The following ST7L variants were observed in gnomAD, a reference collection of about 807,000 sequenced individuals.
ST7L encodes suppressor of tumorigenicity 7 protein-like.
ST7L carries 57 observed loss-of-function variants against 72.5 expected under a neutral mutation model. The observed-to-expected ratio is 0.79, with a 90% CI of 0.64 to 0.98. ST7L has a LOEUF of 0.98. Among genes scored for constraint, ST7L ranks in the 50% least tolerant of loss-of-function variants. ST7L has a pLI of 0.00. For missense variants in ST7L, 576 were observed against 672.2 expected (o/e 0.86, Z 1.58); for synonymous variants, 221 against 240.9 (o/e 0.92, Z 0.77).
chr1:112,582,829 A>G (rs576526646), intron 7 of ST7L, among the ~76,000 whole-genome samples: 1 of 152,236 alleles, frequency 6.6e-6, no homozygotes, highest in Admixed American at 6.5e-5. Flanking sequence ...TATAACATTA[A>G]CCTAGTATTT....
intron 3 of ST7L, 177 bp downstream of exon 3, chr1:112,610,664 T>G: frequency 2.8e-6 from 2 of 722,800 alleles, no homozygotes; most frequent in Non-Finnish European, 4.4e-6. Context: ...GGCACTGCCC[T>G]CATGACCTGA....
At chr1:112,617,717 TCACACACACACACA>T (rs56216561) in intron 1 of ST7L, among the ~76,000 whole-genome samples, 10 of 126,432 alleles carry the variant, frequency 7.9e-5, no homozygotes, top group African/African-American at 2.5e-4. Flanking sequence ...TTTCTCTCTC[TCACACACACACACA>T]CACACACACA....
chr1:112,591,707 C>A, intron 5 of ST7L, 104 bp from the exon 6 acceptor site: 1 of 689,456 alleles, frequency 1.5e-6, no homozygotes, highest in Non-Finnish European at 2.3e-6. Context: ...ATAATATATT[C>A]TTAAACATAC....
intron 3 of ST7L, among the ~76,000 whole-genome samples, chr1:112,604,699 G>T (rs1667927641): frequency 2.7e-5 from 4 of 150,114 alleles, no homozygotes; most frequent in Admixed American, 1.3e-4. Flanking sequence ...TACTCAGGAG[G>T]CTGAGGCAGG....
At chr1:112,572,402 T>C (rs1440327930) in intron 11 of ST7L, among the ~76,000 whole-genome samples, 2 of 152,224 alleles carry the variant, frequency 1.3e-5, no homozygotes, top group African/African-American at 4.8e-5. Flanking sequence ...AAGTCTTAGT[T>C]GGCATCTTCT....
rs1252356547 is a variant in ST7L, at chr1:112,619,069, C to T, written c.45G>A (p.Ala15=). Residue 15 remains alanine, a synonymous_variant, in exon 1 of 15, where the codon GCG becomes GCA. Coordinates refer to ENST00000358039, the MANE Select transcript of ST7L (RefSeq NM_017744.5). The stretch of plus-strand genomic sequence containing the variant: ...TTAGGCCAGGGACAGATGCAGGAGA[C>T]GCTCCAACAGCTGCGGCTTCACCCA... ...GGVGEAAAVG[A]SPASVPGLNP... is the part of the protein sequence containing the mutation. 1 of 1,613,824 alleles carries T rather than the reference C, an allele frequency of 6.2e-7. No individual in the cohort carries two copies. Among genetic ancestry groups the T allele is most frequent in the Admixed American group, 1.7e-5 (1 of 60,020 alleles).
At chr1:112,557,428 T>C (rs1025811343) in intron 11 of ST7L, among the ~76,000 whole-genome samples, 1 of 152,270 alleles carries the variant, frequency 6.6e-6, no homozygotes. Context: ...GCCTCATTTC[T>C]TCTTATGGCT....
chr1:112,615,358 T>C (rs1669710907), intron 2 of ST7L, among the ~76,000 whole-genome samples: 1 of 152,240 alleles, frequency 6.6e-6, no homozygotes, highest in East Asian at 1.9e-4. Flanking sequence ...GAACCAGCTA[T>C]CATGTTATAA....
intron 13 of ST7L, among the ~76,000 whole-genome samples, chr1:112,548,536 C>G (rs560347008): frequency 2.0e-5 from 3 of 152,182 alleles, no homozygotes; most frequent in Non-Finnish European, 4.4e-5. Context: ...GCCATAATCT[C>G]TCCTAAATTT....
chr1:112,541,243 C>T (rs1205134766), intron 14 of ST7L, among the ~76,000 whole-genome samples: 7 of 151,570 alleles, frequency 4.6e-5, no homozygotes, highest in African/African-American at 1.5e-4. Flanking sequence ...GAGATCGTAC[C>T]ACTGCACTCC....
chr1:112,610,045 A>G lies in ST7L; in HGVS notation c.451+796T>C, dbSNP rs182588703. 5.5e-3 allele frequency among the ~76,000 whole-genome samples: 831 copies of G among 152,122 alleles called. 6 individuals carry two copies. Among genetic ancestry groups the G allele is most frequent in the South Asian group, 0.02 (95 of 4,812 alleles). ...ATTCCCTGATTTGCTGGGCGTATAT[A>G]TATATATACACTGAGAAAATGATGA... is the stretch of plus-strand genomic sequence containing the variant. On this transcript the variant is annotated intron_variant, in intron 3 of 14. Transcript: ENST00000358039.
intron 12 of ST7L, among the ~76,000 whole-genome samples, chr1:112,552,778 A>T (rs1658444980): frequency 6.6e-6 from 1 of 152,144 alleles, no homozygotes; most frequent in South Asian, 2.1e-4. Context: ...AACACTAATA[A>T]ATCATTGATC....
intron 7 of ST7L, among the ~76,000 whole-genome samples, chr1:112,583,634 C>CT (rs1664448569): frequency 6.6e-6 from 1 of 152,214 alleles, no homozygotes; most frequent in African/African-American, 2.4e-5. Context: ...ATAACAGCTG[C>CT]TTATCATCAC....
In ST7L at chr1:112,595,995, G is replaced by A. The variant is rs537890129; in HGVS notation, c.622+1976C>T. Among the ~76,000 whole-genome samples the A allele has an allele frequency of 5.3e-5, 8 of 152,190 alleles. No homozygotes were observed. The East Asian group carries it at 1.5e-3, about 29-fold the overall frequency. On this transcript the variant is annotated intron_variant, in intron 5 of 14. Coordinates refer to ENST00000358039, the MANE Select transcript of ST7L (RefSeq NM_017744.5). ...ATGATTGCTATTTTAAAAGCCTGCT[G>A]ACGTTTGCAATTCAGTGTCACTCTG... is the stretch of plus-strand genomic sequence containing the variant.
intron 14 of ST7L, chr1:112,539,742 G>A (rs1655806745): frequency 1.0e-6 from 1 of 984,942 alleles, no homozygotes; most frequent in African/African-American, 1.8e-5. Flanking sequence ...CTCTTAAATG[G>A]AACCTGCCTT....
intron 11 of ST7L, among the ~76,000 whole-genome samples, chr1:112,572,945 T>C (rs960489205): frequency 2.0e-5 from 3 of 151,726 alleles, no homozygotes; most frequent in East Asian, 1.9e-4. Flanking sequence ...AGAAAATAAA[T>C]AGTAGAAAAA....
At chr1:112,570,022 A>G (rs886332324) in intron 11 of ST7L, among the ~76,000 whole-genome samples, 1 of 151,840 alleles carries the variant, frequency 6.6e-6, no homozygotes, top group African/African-American at 2.4e-5. Context: ...AAAGTATGAT[A>G]CCAGAATGAA....
At chr1:112,571,731 A>G (rs910163710) in intron 11 of ST7L, among the ~76,000 whole-genome samples, 27 of 152,166 alleles carry the variant, frequency 1.8e-4, no homozygotes, top group Admixed American at 3.9e-4. Flanking sequence ...CAGCCTATAT[A>G]GTTTTAATGA....
chr1:112,609,243 T>C (rs1215002822), intron 3 of ST7L, among the ~76,000 whole-genome samples: 1 of 152,096 alleles, frequency 6.6e-6, no homozygotes, highest in Non-Finnish European at 1.5e-5. Context: ...ATATTTGCTT[T>C]CTAGCTGGCC....
Sources: allele counts gnomAD v4.1 joint callset (sites outside exome capture counted in the v4.1 genomes callset), GRCh38; gene constraint gnomAD v4.1.1; transcripts MANE v1.5; gene names NCBI Gene and HGNC (gene_info 2026-07-23, HGNC 2026-07-21).